CTNNAL1: variants seen among roughly 807,000 people sequenced by gnomAD.
The protein encoded by CTNNAL1 is catenin alpha like 1, also known as alpha-catulin.
CTNNAL1 carries 69 observed loss-of-function variants against 93.6 expected under a neutral mutation model. The ratio of observed to expected loss-of-function variants is 0.74; its 90% confidence interval spans 0.61 to 0.90. The LOEUF (loss-of-function observed/expected upper bound fraction) is 0.90, where lower values mean the gene tolerates loss of function less well. Ranked by LOEUF, CTNNAL1 falls within the 40% of genes least tolerant of loss-of-function variation. CTNNAL1 has a pLI of 0.00. For missense variants in CTNNAL1, 836 were observed against 862.0 expected, an observed-to-expected ratio of 0.97 and a Z score of 0.38; for synonymous variants, 286 against 305.4, an observed-to-expected ratio of 0.94 and a Z score of 0.66.
At chr9:109,005,349 G>C (rs1197536477) in intron 1 of CTNNAL1, among the ~76,000 whole-genome samples, 2 of 152,068 alleles carry the variant, frequency 1.3e-5, no homozygotes, top group African/African-American at 4.8e-5. Context: ...TTAAGTTCTT[G>C]CTATAGATTG....
At chr9:108,967,152 T>A (rs1017159915) in intron 10 of CTNNAL1, among the ~76,000 whole-genome samples, 16 of 152,300 alleles carry the variant, frequency 1.1e-4, no homozygotes, top group African/African-American at 3.6e-4. Context: ...GAATCCACTA[T>A]GTGAAAAAAT....
chr9:108,949,149 T>C (rs1406692492), intron 14 of CTNNAL1, among the ~76,000 whole-genome samples: 2 of 152,202 alleles, frequency 1.3e-5, no homozygotes, highest in Non-Finnish European at 2.9e-5. Flanking sequence ...AGAAGGGCTA[T>C]AAATCTGCCC....
intron 14 of CTNNAL1, chr9:108,950,822 T>C: frequency 5.9e-6 from 3 of 504,872 alleles, no homozygotes; most frequent in East Asian, 3.3e-5. Flanking sequence ...TAGAGATACA[T>C]TGTGTCCCTA....
intron 11 of CTNNAL1, among the ~76,000 whole-genome samples, chr9:108,962,983 G>A (rs1375189148): frequency 6.6e-6 from 1 of 152,136 alleles, no homozygotes; most frequent in Non-Finnish European, 1.5e-5. Flanking sequence ...TCCCTAACAT[G>A]AGATTAGCAC....
At chr9:108,986,849 T>C (rs1831625359) in intron 4 of CTNNAL1, among the ~76,000 whole-genome samples, 2 of 152,244 alleles carry the variant, frequency 1.3e-5, no homozygotes, top group African/African-American at 4.8e-5. Flanking sequence ...TCTGTTCATA[T>C]CCTTTGCCCA....
At chr9:108,950,625 C>T (rs1223624511) in intron 14 of CTNNAL1, 1 of 1,547,840 alleles carries the variant, frequency 6.5e-7, no homozygotes, top group Non-Finnish European at 8.7e-7. Context: ...TCTTCACGAG[C>T]ACAGGATCCC....
chr9:108,988,678 T>A lies in CTNNAL1; in HGVS notation c.639+2048A>T, dbSNP rs141407738. ...CTTCCCGTTTGCTCACTTTGATCCA[T>A]CCATTGGCCTTCGTGTTCTTTGAAC... On this transcript the variant is annotated intron_variant, in intron 4 of 18. Coordinates refer to ENST00000325551, the MANE Select transcript of CTNNAL1 (RefSeq NM_003798.4). 7.2e-5 allele frequency among the ~76,000 whole-genome samples: 11 copies of A among 152,318 alleles called. No homozygotes were observed. The East Asian group carries it at 1.9e-3, about 27-fold the overall frequency.
intron 12 of CTNNAL1, 57 bp downstream of exon 12, chr9:108,955,733 G>T: frequency 1.4e-6 from 2 of 1,429,766 alleles, no homozygotes; most frequent in South Asian, 1.2e-5. Context: ...GGCAACAAGA[G>T]CATAATTTGA....
chr9:108,979,256 C>T lies in CTNNAL1; in HGVS notation c.1101+25G>A, dbSNP rs545091908. 5 of 1,613,346 alleles carry T rather than the reference C, an allele frequency of 3.1e-6. No homozygotes were observed. In the South Asian group the frequency reaches 4.4e-5, roughly 14 times the overall value. On this transcript the variant is annotated intron_variant, in intron 7 of 18. Coordinates refer to ENST00000325551, the MANE Select transcript of CTNNAL1 (RefSeq NM_003798.4). ...TGGGAAAGCCATTATATAAGATTTA[C>T]TTTGATTTTAAAAAAAGTTCTTACA...
chr9:108,971,027 AT>A (rs370088522), intron 9 of CTNNAL1, among the ~76,000 whole-genome samples: 1,940 of 150,244 alleles, frequency 0.013, 46 homozygotes, highest in African/African-American at 0.043. Context: ...ATCAGAGAAC[AT>A]TTTTTTTTTC....
chr9:108,948,228 CT>C lies in CTNNAL1; in HGVS notation c.1841del (p.Glu614GlyfsTer4), dbSNP rs1564120360. ...AATCCTGGGAAGTTTTCAGTGGCCC[CT>C]CTCCTCTAAAATAAAATTAATTGTT... ...AYSLYLFTRG[E>X]GPLKTSQDLI... On this transcript the variant is annotated frameshift_variant, in exon 15 of 19. Transcript: ENST00000325551. LOFTEE classifies it high-confidence loss of function. 1 of 1,611,324 alleles carries C rather than the reference CT, an allele frequency of 6.2e-7. No homozygotes were observed. Among genetic ancestry groups the C allele is most frequent in the Admixed American group, 1.7e-5 (1 of 59,300 alleles).
chr9:108,973,281 G>C (rs1456032773), intron 8 of CTNNAL1, among the ~76,000 whole-genome samples: 4 of 152,280 alleles, frequency 2.6e-5, no homozygotes. Flanking sequence ...AGAGTATTAA[G>C]AGTGCAATAT....
intron 11 of CTNNAL1, among the ~76,000 whole-genome samples, chr9:108,957,904 G>A (rs1830722718): frequency 6.6e-6 from 1 of 151,950 alleles, no homozygotes; most frequent in Non-Finnish European, 1.5e-5. Context: ...GATCACCCAA[G>A]GTCAGGAATT....
chr9:108,972,864 G>GGGGCGGCCCCCCCC, intron 8 of CTNNAL1, 31 bp from the exon 9 acceptor site: 1 of 142,578 alleles, frequency 7.0e-6, no homozygotes, highest in Non-Finnish European at 1.0e-5. Context: ...GGGGGGGTGG[G>GGGGCGGCCCCCCCC]AGGGTGGAGA....
chr9:109,012,809 T>C (rs1471640599), intron 1 of CTNNAL1, among the ~76,000 whole-genome samples: 4 of 152,148 alleles, frequency 2.6e-5, no homozygotes, highest in African/African-American at 9.6e-5. Context: ...GAGCGCACGC[T>C]GGGCGGGGAG....
rs1041843911 is a variant in CTNNAL1, at chr9:108,987,121, G to A, written c.640-2685C>T. Among the ~76,000 whole-genome samples, 18 of 152,176 alleles carry A rather than the reference G, an allele frequency of 1.2e-4. No homozygotes were observed. In the East Asian group the frequency reaches 2.1e-3, roughly 18 times the overall value. On this transcript the variant is annotated intron_variant, in intron 4 of 18. Coordinates refer to ENST00000325551, the MANE Select transcript of CTNNAL1 (RefSeq NM_003798.4). The stretch of plus-strand genomic sequence containing the variant: ...CCTTGCCCATGCCTATGTCCTGAAC[G>A]GTAATGCCTAGGTTTTCTTCTAGGG...
intron 2 of CTNNAL1, among the ~76,000 whole-genome samples, chr9:108,998,693 C>G (rs1020561209): frequency 2.0e-5 from 3 of 152,200 alleles, no homozygotes; most frequent in African/African-American, 7.2e-5. Flanking sequence ...AGTTTGAAGT[C>G]ACTATGATTT....
chr9:108,998,800 T>C (rs1371295450), intron 2 of CTNNAL1, among the ~76,000 whole-genome samples: 1 of 152,194 alleles, frequency 6.6e-6, no homozygotes, highest in Non-Finnish European at 1.5e-5. Flanking sequence ...AGGCCACAGC[T>C]CCCACTTCTC....
rs139883753 is a variant in CTNNAL1 at position 108,972,746 on chromosome 9, C to A, written c.1276G>T (p.Val426Leu). Reference sequence around the variant, plus strand: ...GCCAAAGCTTCTAAATTTCCTTCTACTCCAGTAAGTTTTAATGCTTTTAGA... The same window carrying A: ...GCCAAAGCTTCTAAATTTCCTTCTAATCCAGTAAGTTTTAATGCTTTTAGA... Reference protein sequence around the residue: ...VVLKALKLTGVEGNLEALAEY... With the variant: ...VVLKALKLTGLEGNLEALAEY... Residue 426 changes from valine (V) to leucine (L), a missense_variant, in exon 9 of 19, where the codon GTA becomes TTA. Val to Leu is a conservative substitution (Grantham distance 32). Transcript: ENST00000325551. 5.0e-6 allele frequency: 8 copies of A among 1,606,496 alleles called. No individual in the cohort carries two copies. In the African/African-American group the frequency reaches 1.1e-4, roughly 22 times the overall value.
Sources: gnomAD v4.1 joint callset for allele counts (sites outside exome capture counted in the v4.1 genomes callset) on GRCh38, gnomAD v4.1.1 for gene constraint, MANE v1.5 for transcripts, NCBI Gene and HGNC (gene_info 2026-07-23, HGNC 2026-07-21) for gene names.